Variants in ASAP1 observed in about 807,000 individuals in gnomAD.
ASAP1 encodes ArfGAP with SH3 domain, ankyrin repeat and PH domain 1.
In ASAP1, 43 loss-of-function variants were observed where a neutral mutation model predicts 145.2. The ratio of observed to expected loss-of-function variants is 0.30; its 90% confidence interval spans 0.23 to 0.38. ASAP1 has a LOEUF of 0.38. ASAP1 is among the 10% of genes least tolerant of loss of function. ASAP1 has a pLI of 1.00. For synonymous variants in ASAP1, 546 were observed against 515.5 expected, an observed-to-expected ratio of 1.06 and a Z score of -0.80; for missense variants, 1,018 against 1,355.3, an observed-to-expected ratio of 0.75 and a Z score of 3.91.
chr8:130,147,629 T>C (rs77072400), intron 13 of ASAP1, among the ~76,000 whole-genome samples: 2,299 of 152,362 alleles, frequency 0.015, 37 homozygotes, highest in East Asian at 0.026. Flanking sequence ...GGTACTGTTA[T>C]TCTGTTTCAC....
At chr8:130,340,376 T>C (rs538552529) in intron 3 of ASAP1, among the ~76,000 whole-genome samples, 1 of 152,360 alleles carries the variant, frequency 6.6e-6, no homozygotes, top group East Asian at 1.9e-4. Flanking sequence ...AAGCAACCAC[T>C]GCCACTTCAG....
At position 130,345,064 on chromosome 8, in the gene ASAP1, T is replaced by G. The variant is rs745706885; in HGVS notation, c.186+12953A>C. Among the ~76,000 whole-genome samples the G allele has an allele frequency of 4.9e-4, 75 of 152,188 alleles. 1 individual carries two copies. The highest frequency in any genetic ancestry group is 8.7e-4 in the Non-Finnish European group (59 of 68,038). On this transcript the variant is annotated intron_variant, in intron 3 of 29. Coordinates refer to ENST00000518721, the MANE Select transcript of ASAP1 (RefSeq NM_018482.4). Reference sequence around the variant, plus strand: ...CATGCTTTTTCAGTCAAATGACCTTTGAGAAATTATTTTTAACTTTTTGAG... The same window carrying G: ...CATGCTTTTTCAGTCAAATGACCTTGGAGAAATTATTTTTAACTTTTTGAG...
intron 4 of ASAP1, among the ~76,000 whole-genome samples, chr8:130,215,988 AGG>A: frequency 7.8e-6 from 1 of 127,954 alleles, no homozygotes; most frequent in Non-Finnish European, 1.7e-5. Flanking sequence ...AGGAAAGGAA[AGG>A]AAAGGAAAGG....
chr8:130,213,283 T>A (rs910551661), intron 5 of ASAP1, among the ~76,000 whole-genome samples: 2 of 152,352 alleles, frequency 1.3e-5, no homozygotes, highest in Middle Eastern at 6.8e-3. Context: ...ATTCGCTGTG[T>A]AAGATTAATT....
At chr8:130,406,727 C>T (rs1829047944) in intron 1 of ASAP1, among the ~76,000 whole-genome samples, 1 of 152,138 alleles carries the variant, frequency 6.6e-6, no homozygotes, top group African/African-American at 2.4e-5. Context: ...AGGTGATCCA[C>T]CTGCCTTGGC....
At chr8:130,084,841 C>T (rs1024124528) in intron 25 of ASAP1, 1 of 152,174 alleles carries the variant, frequency 6.6e-6, no homozygotes, top group Non-Finnish European at 1.5e-5. Flanking sequence ...ATATGCATGT[C>T]TCAGACATTT....
intron 3 of ASAP1, among the ~76,000 whole-genome samples, chr8:130,316,469 C>A (rs1369183759): frequency 6.6e-6 from 1 of 152,140 alleles, no homozygotes; most frequent in Non-Finnish European, 1.5e-5. Context: ...CTGGTTTTTA[C>A]CAGAATATTT....
chr8:130,373,235 C>CT (rs985444535), intron 2 of ASAP1, among the ~76,000 whole-genome samples: 7 of 150,816 alleles, frequency 4.6e-5, no homozygotes, highest in South Asian at 2.1e-4. Flanking sequence ...TTATGAATGG[C>CT]TTTTTTTTGC....
intron 24 of ASAP1, among the ~76,000 whole-genome samples, chr8:130,094,387 A>T (rs185675358): frequency 3.2e-4 from 49 of 152,136 alleles, no homozygotes; most frequent in African/African-American, 1.2e-3. Flanking sequence ...ATTTTTAAAA[A>T]TTTTTAAATT....
chr8:130,320,832 C>G (rs1823958791), intron 3 of ASAP1, among the ~76,000 whole-genome samples: 1 of 152,152 alleles, frequency 6.6e-6, no homozygotes, highest in South Asian at 2.1e-4. Context: ...AACCACTGAT[C>G]AGATCAGTAG....
At chr8:130,211,250 C>T (rs1170061216) in intron 5 of ASAP1, among the ~76,000 whole-genome samples, 1 of 152,152 alleles carries the variant, frequency 6.6e-6, no homozygotes, top group East Asian at 1.9e-4. Flanking sequence ...GCGGTATGGG[C>T]TCACAGAGTA....
At chr8:130,191,035 A>G (rs919269386) in intron 5 of ASAP1, among the ~76,000 whole-genome samples, 10 of 138,168 alleles carry the variant, frequency 7.2e-5, no homozygotes, top group Non-Finnish European at 1.1e-4. Context: ...AGTGCAATCT[A>G]TAACCGGGAA....
chr8:130,371,237 T>C (rs1390449906), intron 2 of ASAP1, among the ~76,000 whole-genome samples: 2 of 152,188 alleles, frequency 1.3e-5, no homozygotes, highest in Non-Finnish European at 2.9e-5. Context: ...AGATAGGAAA[T>C]TGAGACTCAG....
At chr8:130,073,344 C>T (rs188422531) in intron 27 of ASAP1, among the ~76,000 whole-genome samples, 159 of 149,744 alleles carry the variant, frequency 1.1e-3, no homozygotes, top group African/African-American at 3.8e-3. Context: ...GAGCTGAGAT[C>T]GCACCATTGC....
intron 3 of ASAP1, among the ~76,000 whole-genome samples, chr8:130,299,449 G>A (rs527648043): frequency 6.6e-6 from 1 of 152,288 alleles, no homozygotes; most frequent in African/African-American, 2.4e-5. Context: ...GTCTACTGCC[G>A]TCTTGGTTGT....
At chr8:130,354,280 C>A (rs1167931726) in intron 3 of ASAP1, among the ~76,000 whole-genome samples, 2 of 152,158 alleles carry the variant, frequency 1.3e-5, no homozygotes, top group Non-Finnish European at 2.9e-5. Context: ...ATTTCCTTCT[C>A]TATAAAATGG....
At chr8:130,403,519 A>G (rs1828888958) in intron 1 of ASAP1, among the ~76,000 whole-genome samples, 1 of 150,748 alleles carries the variant, frequency 6.6e-6, no homozygotes, top group Non-Finnish European at 1.5e-5. Context: ...ACCAGGCACA[A>G]TGCTGTAGCC....
chr8:130,239,542 A>AACT lies in ASAP1; in HGVS notation c.187-2551_187-2549dup, dbSNP rs567696186. Among the ~76,000 whole-genome samples, 787 of 152,206 alleles carry AACT rather than the reference A, an allele frequency of 5.2e-3. 3 individuals carry two copies. Among genetic ancestry groups the AACT allele is most frequent in the Non-Finnish European group, 7.3e-3 (498 of 67,986 alleles). On this transcript the variant is annotated intron_variant, in intron 3 of 29. Transcript: ENST00000518721. ...TCTAATGATATCCGCGATAGGCTGA[A>AACT]ACTAAAAACAGTCTCATCATATGGG...
At chr8:130,278,551 G>A (rs903825261) in intron 3 of ASAP1, among the ~76,000 whole-genome samples, 8 of 152,110 alleles carry the variant, frequency 5.3e-5, no homozygotes, top group Admixed American at 3.3e-4. Flanking sequence ...CTTTGCAAAA[G>A]TCTTCCATGC....
Sources: gnomAD v4.1 joint callset for allele counts (sites outside exome capture counted in the v4.1 genomes callset) on GRCh38, gnomAD v4.1.1 for gene constraint, MANE v1.5 for transcripts, NCBI Gene and HGNC (gene_info 2026-07-23, HGNC 2026-07-21) for gene names.